MAGI1: variants seen among roughly 807,000 people sequenced by gnomAD.
MAGI1 encodes the protein membrane-associated guanylate kinase, WW and PDZ domain-containing protein 1.
A neutral mutation model predicts 139.9 loss-of-function variants in MAGI1; 58 were observed. The ratio of observed to expected loss-of-function variants is 0.41; its 90% CI spans 0.34 to 0.52. The LOEUF (loss-of-function observed/expected upper bound fraction) is 0.52. Among genes scored for constraint, MAGI1 ranks in the 20% least tolerant of loss-of-function variants. The pLI is 0.12. For synonymous variants in MAGI1, 812 were observed against 737.9 expected, an observed-to-expected ratio of 1.10 and a Z score of -1.63; for missense variants, 1,874 against 1,901.6, an observed-to-expected ratio of 0.99 and a Z score of 0.27.
chr3:65,732,621 G>GT (rs1271036729), intron 1 of MAGI1, among the ~76,000 whole-genome samples: 1 of 152,094 alleles, frequency 6.6e-6, no homozygotes, highest in Non-Finnish European at 1.5e-5. Flanking sequence ...ATAGAATGAG[G>GT]ATTCCTTCAA....
chr3:65,723,923 G>T (rs186291268), intron 1 of MAGI1, among the ~76,000 whole-genome samples: 1 of 152,154 alleles, frequency 6.6e-6, no homozygotes, highest in Non-Finnish European at 1.5e-5. Flanking sequence ...CATGTTTGGG[G>T]ATTGGAAAAA....
At chr3:65,464,990 T>G (rs1415637285) in intron 5 of MAGI1, among the ~76,000 whole-genome samples, 1 of 147,998 alleles carries the variant, frequency 6.8e-6, no homozygotes, top group Middle Eastern at 3.6e-3. Context: ...ACATTTTATA[T>G]ATATATATAT....
intron 1 of MAGI1, among the ~76,000 whole-genome samples, chr3:65,883,742 T>G (rs904529478): frequency 3.3e-5 from 5 of 152,224 alleles, no homozygotes; most frequent in African/African-American, 1.2e-4. Context: ...AGTCTGATTT[T>G]CCCTGTCTCT....
chr3:65,761,405 T>C (rs2037012845), intron 1 of MAGI1, among the ~76,000 whole-genome samples: 2 of 152,186 alleles, frequency 1.3e-5, no homozygotes, highest in Non-Finnish European at 2.9e-5. Flanking sequence ...GGATAAATTA[T>C]ATTTCCAATA....
chr3:66,033,508 A>G (rs1276361741), intron 1 of MAGI1, among the ~76,000 whole-genome samples: 1 of 152,166 alleles, frequency 6.6e-6, no homozygotes, highest in Non-Finnish European at 1.5e-5. Flanking sequence ...AAGACCAGAG[A>G]TTCATGAGAA....
intron 1 of MAGI1, among the ~76,000 whole-genome samples, chr3:65,673,811 T>G (rs569768247): frequency 3.3e-5 from 5 of 152,262 alleles, no homozygotes; most frequent in Non-Finnish European, 7.3e-5. Context: ...CAATAAATAT[T>G]ATAAATAGGC....
At chr3:65,774,252 G>A (rs2038192919) in intron 1 of MAGI1, among the ~76,000 whole-genome samples, 1 of 152,128 alleles carries the variant, frequency 6.6e-6, no homozygotes, top group Non-Finnish European at 1.5e-5. Flanking sequence ...TCCTGAGCAG[G>A]GTGAAATGGT....
chr3:65,811,927 C>CGTGT (rs71102883), intron 1 of MAGI1, among the ~76,000 whole-genome samples: 3,473 of 148,404 alleles, frequency 0.023, 104 homozygotes, highest in African/African-American at 0.07. Flanking sequence ...TGTATGTTTA[C>CGTGT]GTGTGTGTGT....
intron 1 of MAGI1, among the ~76,000 whole-genome samples, chr3:65,731,981 T>C (rs2034241864): frequency 6.6e-6 from 1 of 152,230 alleles, no homozygotes; most frequent in Non-Finnish European, 1.5e-5. Flanking sequence ...ACTGGGATAC[T>C]GAAATGTCGC....
chr3:65,391,301 G>T lies in MAGI1; in HGVS notation c.2257C>A (p.Arg753=). 1 of 1,614,138 alleles carries T rather than the reference G, an allele frequency of 6.2e-7. No homozygotes were observed. The change falls in exon 14 of 23, where the codon CGA becomes AGA. Residue 753 remains arginine (R), a synonymous_variant. Coordinates refer to ENST00000402939, the MANE Select transcript of MAGI1 (RefSeq NM_001033057.2). ...CTTGGGGATGCTGTGTGCAGGCTTCGGTGGCTGGAAACACTGTGCTGAGAA... is the reference window on the plus strand; with the variant it reads ...CTTGGGGATGCTGTGTGCAGGCTTCTGTGGCTGGAAACACTGTGCTGAGAA... ...NSSQHSVSSH[R]SLHTASPSHS... is the part of the protein sequence containing the mutation.
chr3:65,361,198 C>A lies in MAGI1; in HGVS notation c.3634+1G>T. 1 of 1,614,096 alleles carries A rather than the reference C, an allele frequency of 6.2e-7. No homozygotes were observed. ...AGGAATGTTTTCATAGTTTGACCCA[C>A]CATATTCTGGTACTGAGCCGTCTCC... On this transcript the variant is annotated splice_donor_variant, in intron 22 of 22. Transcript: ENST00000402939. LOFTEE classifies it high-confidence loss of function.
At chr3:65,786,667 A>G (rs1482364980) in intron 1 of MAGI1, among the ~76,000 whole-genome samples, 1 of 143,164 alleles carries the variant, frequency 7.0e-6, no homozygotes, top group East Asian at 2.1e-4. Context: ...GCTGGAGTGC[A>G]GTGGCACGAT....
At chr3:65,703,052 G>A (rs1157860172) in intron 1 of MAGI1, among the ~76,000 whole-genome samples, 6 of 152,028 alleles carry the variant, frequency 3.9e-5, no homozygotes, top group African/African-American at 1.4e-4. Flanking sequence ...TGGAGAGGCA[G>A]CCCACCCTCC....
intron 1 of MAGI1, among the ~76,000 whole-genome samples, chr3:65,714,793 A>AAC (rs148184628): frequency 6.6e-6 from 1 of 152,042 alleles, no homozygotes; most frequent in African/African-American, 2.4e-5. Flanking sequence ...TCATAAAATG[A>AAC]ACACACACAC....
chr3:65,933,738 G>A (rs761332066), intron 1 of MAGI1, among the ~76,000 whole-genome samples: 2 of 152,092 alleles, frequency 1.3e-5, no homozygotes, highest in Admixed American at 6.6e-5. Context: ...TATAGTATTC[G>A]GAGTAAAAGA....
chr3:65,449,867 C>T (rs1948921065), intron 6 of MAGI1, among the ~76,000 whole-genome samples: 1 of 152,114 alleles, frequency 6.6e-6, no homozygotes, highest in South Asian at 2.1e-4. Flanking sequence ...ATGATAAGTT[C>T]TCAACAGAGT....
chr3:65,702,500 G>A (rs928129019), intron 1 of MAGI1, among the ~76,000 whole-genome samples: 30 of 152,128 alleles, frequency 2.0e-4, no homozygotes, highest in African/African-American at 6.8e-4. Flanking sequence ...CAGGCCAGAA[G>A]CTATTAACTA....
intron 1 of MAGI1, among the ~76,000 whole-genome samples, chr3:65,660,791 G>T (rs1026715602): frequency 3.9e-5 from 6 of 152,180 alleles, no homozygotes; most frequent in Non-Finnish European, 7.3e-5. Context: ...TCATCTCTAT[G>T]GGAGGCCACC....
At position 65,356,513 on chromosome 3, in the gene MAGI1, C is replaced by T; in HGVS notation, c.4254G>A (p.Arg1418=). Residue 1418 remains arginine (R), a synonymous_variant, in exon 23 of 23, where the codon AGG becomes AGA. Coordinates refer to ENST00000402939, the MANE Select transcript of MAGI1 (RefSeq NM_001033057.2). ...ERRRERSLDK[R]NREDRASHRE... ...GGTGGCTGGCTCTGTCCTCTCTGTT[C>T]CTTTTGTCCAGGGACCGCTCTCTCC... 2 of 1,611,276 alleles carry T rather than the reference C, an allele frequency of 1.2e-6. No individual in the cohort carries two copies. Among genetic ancestry groups the T allele is most frequent in the Non-Finnish European group, 1.7e-6 (2 of 1,179,978 alleles).
Sources: allele counts gnomAD v4.1 joint callset (sites outside exome capture counted in the v4.1 genomes callset), GRCh38; gene constraint gnomAD v4.1.1; transcripts MANE v1.5; gene names NCBI Gene and HGNC (gene_info 2026-07-23, HGNC 2026-07-21).